Variants in FAM83F observed in about 807,000 individuals in gnomAD.
The protein encoded by FAM83F is protein FAM83F.
FAM83F carries 45 observed loss-of-function variants against 42.9 expected under a neutral mutation model. That is an observed-to-expected ratio of 1.05 (90% CI 0.83 to 1.35). The LOEUF is 1.35. FAM83F is among the 40% of genes most tolerant of loss of function. FAM83F has a pLI of 0.00. For missense variants in FAM83F, 617 were observed against 695.9 expected, an observed-to-expected ratio of 0.89 and a Z score of 1.28; for synonymous variants, 306 against 298.3, an observed-to-expected ratio of 1.03 and a Z score of -0.27.
At chr22:40,003,201 T>C (rs1379470167) in intron 1 of FAM83F, among the ~76,000 whole-genome samples, 1 of 152,178 alleles carries the variant, frequency 6.6e-6, no homozygotes, top group Non-Finnish European at 1.5e-5. Context: ...CCTAGTGACA[T>C]TGAGGCAGGT....
Position 39,995,227 on chromosome 22 carries a change from C to G in FAM83F, c.185C>G (p.Pro62Arg). 1.3e-6 allele frequency: 2 copies of G among 1,533,260 alleles called. No individual in the cohort carries two copies. Among genetic ancestry groups the G allele is most frequent in the Non-Finnish European group, 1.7e-6 (2 of 1,145,402 alleles). The allele number at this position is 1,533,260 out of a possible 1,614,324, so 95.0% of individuals were successfully genotyped here. A position where few individuals can be genotyped will look rare whatever the true frequency, so the allele number is the denominator to read the frequency against. ...CAGCTGCGGGACTTCCTCTCCAGCCCGGAGCGCCAGGCCCTGCGGGCCGCC... is the reference window on the plus strand; with the variant it reads ...CAGCTGCGGGACTTCCTCTCCAGCCGGGAGCGCCAGGCCCTGCGGGCCGCC... ...EEQLRDFLSS[P>R]ERQALRAAWS... Residue 62 changes from proline (P) to arginine (R), a missense_variant, in exon 1 of 5, where the codon CCG (proline) becomes CGG (arginine). By Grantham distance (103) the Pro-to-Arg change is moderately radical. Coordinates refer to ENST00000333407, the MANE Select transcript of FAM83F (RefSeq NM_138435.4). This position sits in a 1 kb window ranked among gnomAD's most constrained non-coding sequence, Gnocchi z 4.6.
chr22:40,007,875 C>T (rs2067444433), intron 1 of FAM83F, among the ~76,000 whole-genome samples: 1 of 152,154 alleles, frequency 6.6e-6, no homozygotes, highest in Non-Finnish European at 1.5e-5. Context: ...GCAGTGTACC[C>T]AGAGTACTTA....
At position 40,037,828 on chromosome 22, in the gene FAM83F, C is replaced by A. The variant is rs1298957197; in HGVS notation, c.*8263C>A. On this transcript the variant is annotated 3_prime_UTR_variant, in exon 5 of 5. Transcript: ENST00000333407. ...AAACTCCTAGGTTCAGGTGATCCTC[C>A]CGCCTCAGCCTCCCAAGTAGCTGGG... 1.3e-5 allele frequency: 2 copies of A among 152,092 alleles called. No individual in the cohort carries two copies. The highest frequency in any genetic ancestry group is 2.9e-5 in the Non-Finnish European group (2 of 68,052). 9.4% of individuals were successfully genotyped at this position (152,092 alleles called of 1,614,324 possible).
rs748277969 is a variant in FAM83F at position 40,035,700 on chromosome 22, C to T, written c.*6135C>T. On this transcript the variant is annotated 3_prime_UTR_variant, in exon 5 of 5. Coordinates refer to ENST00000333407, the MANE Select transcript of FAM83F (RefSeq NM_138435.4). ...TCTCTGCCACCGAACAGCTAATGAC[C>T]CCAGCAAGCAATTTCACATCCCCGA... The T allele has an allele frequency of 6.6e-6, 1 of 152,246 alleles. No homozygotes were observed. Among genetic ancestry groups the T allele is most frequent in the Non-Finnish European group, 1.5e-5 (1 of 68,082 alleles). The allele number at this position is 152,246 out of a possible 1,614,324, so 9.4% of individuals were successfully genotyped here. A position where few individuals can be genotyped will look rare whatever the true frequency, so the allele number is the denominator to read the frequency against.
rs2067534396 is a variant in FAM83F, at chr22:40,023,624, A to C, written c.1453+1661A>C. ...CCCGCTGCCTTCTGCGTGTCCCTCC[A>C]CATCCATGTCCCTGCTCCCACATCT... On this transcript the variant is annotated intron_variant, in intron 4 of 4. Coordinates refer to ENST00000333407, the MANE Select transcript of FAM83F (RefSeq NM_138435.4). The surrounding 1 kb of genome is among the most constrained non-coding windows in gnomAD (Gnocchi z 4.1). 1.3e-5 allele frequency among the ~76,000 whole-genome samples: 2 copies of C among 150,336 alleles called. No individual in the cohort carries two copies. Among genetic ancestry groups the C allele is most frequent in the Non-Finnish European group, 3.0e-5 (2 of 67,558 alleles).
intron 1 of FAM83F, among the ~76,000 whole-genome samples, chr22:40,013,052 C>T (rs543034244): frequency 3.1e-5 from 4 of 130,992 alleles, no homozygotes; most frequent in Non-Finnish European, 6.2e-5. Context: ...CACTGCACTC[C>T]AGCCTGGGCG....
rs2067517721 is a variant in FAM83F at position 40,021,183 on chromosome 22, A to T, written c.780-107A>T. 1 of 1,289,390 alleles carries T rather than the reference A, an allele frequency of 7.8e-7. No individual in the cohort carries two copies. The highest frequency in any genetic ancestry group is 1.0e-6 in the Non-Finnish European group (1 of 964,844). 79.9% of individuals were successfully genotyped at this position (1,289,390 alleles called of 1,614,324 possible). On this transcript the variant is annotated intron_variant, in intron 3 of 4. Coordinates refer to ENST00000333407, the MANE Select transcript of FAM83F (RefSeq NM_138435.4). The surrounding 1 kb of genome is among the most constrained non-coding windows in gnomAD (Gnocchi z 8.7). The stretch of plus-strand genomic sequence containing the variant: ...GCGTGTGGCCCACAAGGAGCCGTAC[A>T]CCTGCAGCAAGGGTCTGGCCACAGC...
rs142091686 is a variant in FAM83F at position 40,029,531 on chromosome 22, G to A, written c.1469G>A (p.Ser490Asn). The change falls in exon 5 of 5, where the codon AGT becomes AAT. Residue 490 changes from serine (S) to asparagine (N), a missense_variant. By Grantham distance (46) the Ser-to-Asn change is conservative. Coordinates refer to ENST00000333407, the MANE Select transcript of FAM83F (RefSeq NM_138435.4). Reference sequence around the variant, plus strand: ...GCCTCTGCAGGTAAAACAAGTCCCAGTTCTGCCAAGCCTAGCAACTGTGTG... The same window carrying A: ...GCCTCTGCAGGTAAAACAAGTCCCAATTCTGCCAAGCCTAGCAACTGTGTG... ...SADISGKTSP[S>N]SAKPSNCVIS 1.7e-4 allele frequency: 275 copies of A among 1,612,662 alleles called. No homozygotes were observed. The highest frequency in any genetic ancestry group is 2.3e-4 in the Non-Finnish European group (271 of 1,179,406).
chr22:40,021,353 A>G lies in FAM83F; in HGVS notation c.843A>G (p.Val281=), dbSNP rs2145720236. ...NLLLLLTGQN[V]EPFDTEFREL... ...TCCTGCTCCTGACAGGACAGAACGT[A>G]GAGCCCTTTGACACGGAGTTCCGGG... is the stretch of plus-strand genomic sequence containing the variant. Residue 281 remains valine, a synonymous_variant, in exon 4 of 5, where the codon GTA becomes GTG. Coordinates refer to ENST00000333407, the MANE Select transcript of FAM83F (RefSeq NM_138435.4). The surrounding 1 kb of genome is among the most constrained non-coding windows in gnomAD (Gnocchi z 8.7). The G allele has an allele frequency of 6.2e-7, 1 of 1,607,460 alleles. No individual in the cohort carries two copies. Among genetic ancestry groups the G allele is most frequent in the Non-Finnish European group, 8.5e-7 (1 of 1,175,422 alleles).
chr22:39,997,628 T>G (rs192140064), intron 1 of FAM83F, among the ~76,000 whole-genome samples: 1 of 152,060 alleles, frequency 6.6e-6, no homozygotes, highest in African/African-American at 2.4e-5. Context: ...AGTTGCAGAA[T>G]TGGAAAGGGA....
At chr22:39,998,111 TGGCA>T (rs2067380292) in intron 1 of FAM83F, among the ~76,000 whole-genome samples, 1 of 152,166 alleles carries the variant, frequency 6.6e-6, no homozygotes, top group Admixed American at 6.5e-5. Context: ...CCTGTCCAGC[TGGCA>T]GGCAGCCTTC....
At position 40,042,266 on chromosome 22, in the gene FAM83F, C is replaced by T. The variant is rs914190178; in HGVS notation, c.*12701C>T. 2 of 152,154 alleles carry T rather than the reference C, an allele frequency of 1.3e-5. No homozygotes were observed. Among genetic ancestry groups the T allele is most frequent in the African/African-American group, 4.8e-5 (2 of 41,394 alleles). 9.4% of individuals were successfully genotyped at this position (152,154 alleles called of 1,614,324 possible). A position where few individuals can be genotyped will look rare whatever the true frequency, so the allele number is the denominator to read the frequency against. Reference sequence around the variant, plus strand: ...AAGGTTTCAGGCATTTGTTTTGTCTCTGGGAGGGAAGGCACAATGAGGTGG... The same window carrying T: ...AAGGTTTCAGGCATTTGTTTTGTCTTTGGGAGGGAAGGCACAATGAGGTGG... On this transcript the variant is annotated 3_prime_UTR_variant, in exon 5 of 5. Coordinates refer to ENST00000333407, the MANE Select transcript of FAM83F (RefSeq NM_138435.4).
intron 4 of FAM83F, among the ~76,000 whole-genome samples, chr22:40,026,833 T>C (rs1480924861): frequency 3.3e-5 from 5 of 152,068 alleles, no homozygotes; most frequent in East Asian, 1.9e-4. Flanking sequence ...GGCCGCTGGA[T>C]TGGGGGACTT....
At chr22:39,999,837 C>G (rs1460831879) in intron 1 of FAM83F, among the ~76,000 whole-genome samples, 5 of 152,210 alleles carry the variant, frequency 3.3e-5, no homozygotes, top group Non-Finnish European at 7.3e-5. Flanking sequence ...CCAGGCTGGT[C>G]CCTAACCCAC....
At chr22:40,026,204 C>T (rs1475498991) in intron 4 of FAM83F, among the ~76,000 whole-genome samples, 2 of 152,094 alleles carry the variant, frequency 1.3e-5, no homozygotes, top group Non-Finnish European at 2.9e-5. Flanking sequence ...AGGCTAGGAT[C>T]GGCACCGTTT....
In FAM83F at chr22:40,039,506, C is replaced by T. The variant is rs1407501105; in HGVS notation, c.*9941C>T. The stretch of plus-strand genomic sequence containing the variant: ...CATTTTAGAAACGAGGAAACTGAAG[C>T]TTAGATAGTTTGTGTGACTTGCAAA... On this transcript the variant is annotated 3_prime_UTR_variant, in exon 5 of 5. Transcript: ENST00000333407. The T allele has an allele frequency of 6.6e-6, 1 of 152,158 alleles. No individual in the cohort carries two copies. Among genetic ancestry groups the T allele is most frequent in the Non-Finnish European group, 1.5e-5 (1 of 68,032 alleles). 9.4% of individuals were successfully genotyped at this position (152,158 alleles called of 1,614,324 possible). A position where few individuals can be genotyped will look rare whatever the true frequency, so the allele number is the denominator to read the frequency against.
At chr22:40,009,225 C>T (rs889445488) in intron 1 of FAM83F, among the ~76,000 whole-genome samples, 1 of 152,106 alleles carries the variant, frequency 6.6e-6, no homozygotes, top group African/African-American at 2.4e-5. Context: ...TAGCTGCTTC[C>T]CTTCCTTCCC....
chr22:40,022,853 GC>G (rs1204373480), intron 4 of FAM83F, among the ~76,000 whole-genome samples: 2 of 152,158 alleles, frequency 1.3e-5, no homozygotes, highest in Non-Finnish European at 2.9e-5. Context: ...TGTGTGCCCG[GC>G]CCAAGGGCTT....
Position 40,021,770 on chromosome 22 carries a change from C to G in FAM83F, c.1260C>G (p.Ser420Arg). ...AGCCCAAATCCCGAGAGGCACCCAG[C>G]CGAAACGGCATGGGAGAAGCGGCCC... is the stretch of plus-strand genomic sequence containing the variant. ...DLKPKSREAP[S>R]RNGMGEAARG... The change falls in exon 4 of 5, where the codon AGC (serine) becomes AGG (arginine). Residue 420 changes from serine to arginine, a missense_variant. By Grantham distance (110) the Ser-to-Arg change is moderately radical. Coordinates refer to ENST00000333407, the MANE Select transcript of FAM83F (RefSeq NM_138435.4). The surrounding 1 kb of genome is among the most constrained non-coding windows in gnomAD (Gnocchi z 8.7). 3 of 1,612,902 alleles carry G rather than the reference C, an allele frequency of 1.9e-6. No individual in the cohort carries two copies. Among genetic ancestry groups the G allele is most frequent in the Non-Finnish European group, 2.5e-6 (3 of 1,179,796 alleles).
Sources: gnomAD v4.1 joint callset for allele counts (sites outside exome capture counted in the v4.1 genomes callset) on GRCh38, gnomAD v4.1.1 for gene constraint, Gnocchi (gnomAD v3.1) non-coding constraint, MANE v1.5 for transcripts, NCBI Gene and HGNC (gene_info 2026-07-23, HGNC 2026-07-21) for gene names.